Variants in ZNF609 observed in about 807,000 individuals in gnomAD.
ZNF609 encodes zinc finger protein 609.
ZNF609 carries 11 observed loss-of-function variants against 109.5 expected under a neutral mutation model. That is an observed-to-expected ratio of 0.10 (90% CI 0.06 to 0.17). ZNF609 has a LOEUF of 0.17. Ranked by LOEUF, ZNF609 falls within the 10% of genes least tolerant of loss-of-function variation. The probability of loss-of-function intolerance (pLI) is 1.00; values close to 1 mark genes in which losing one functional copy is unlikely to be tolerated. For missense variants in ZNF609, 1,559 were observed against 1,772.4 expected, an observed-to-expected ratio of 0.88 and a Z score of 2.16; for synonymous variants, 646 against 662.0, an observed-to-expected ratio of 0.98 and a Z score of 0.37.
chr15:64,614,400 TTTTA>T (rs1895766850), intron 2 of ZNF609, among the ~76,000 whole-genome samples: 1 of 151,988 alleles, frequency 6.6e-6, no homozygotes, highest in Admixed American at 6.6e-5. Context: ...CGGCTATTTT[TTTTA>T]TTTTTATTTT....
chr15:64,555,654 C>T (rs1335290637), intron 2 of ZNF609, among the ~76,000 whole-genome samples: 1 of 151,286 alleles, frequency 6.6e-6, no homozygotes, highest in East Asian at 1.9e-4. Flanking sequence ...GAGGCCAAGG[C>T]GGGCAGATCA....
chr15:64,601,561 A>G (rs1895497915), intron 2 of ZNF609, among the ~76,000 whole-genome samples: 1 of 152,232 alleles, frequency 6.6e-6, no homozygotes. Context: ...TAAGCAGAGG[A>G]CTACTAAATA....
chr15:64,478,406 T>C (rs1893202681), intron 1 of ZNF609, among the ~76,000 whole-genome samples: 1 of 152,052 alleles, frequency 6.6e-6, no homozygotes. Flanking sequence ...AGTCTCACTC[T>C]GTTGCCCAGG....
chr15:64,658,752 A>C (rs1246008152), intron 3 of ZNF609, among the ~76,000 whole-genome samples: 1 of 151,766 alleles, frequency 6.6e-6, no homozygotes, highest in Non-Finnish European at 1.5e-5. Flanking sequence ...AGCCGTAATC[A>C]TACCACTACA....
chr15:64,529,787 A>G (rs569443769), intron 2 of ZNF609: 390 of 487,124 alleles, frequency 8.0e-4, no homozygotes, highest in Non-Finnish European at 1.3e-3. Context: ...CTGGAGTGCA[A>G]TGGTGCAACC....
intron 3 of ZNF609, among the ~76,000 whole-genome samples, chr15:64,668,195 A>G (rs1896678132): frequency 6.6e-6 from 1 of 152,208 alleles, no homozygotes; most frequent in South Asian, 2.1e-4. Context: ...ATAGAAATCT[A>G]ATGTTAAGAA....
At chr15:64,665,747 A>G (rs1896636767) in intron 3 of ZNF609, among the ~76,000 whole-genome samples, 1 of 152,064 alleles carries the variant, frequency 6.6e-6, no homozygotes, top group Non-Finnish European at 1.5e-5. Context: ...TATCTACTAA[A>G]AATATAAAAT....
intron 2 of ZNF609, among the ~76,000 whole-genome samples, chr15:64,595,868 AT>A (rs1402450951): frequency 2.0e-5 from 3 of 152,188 alleles, no homozygotes; most frequent in African/African-American, 2.4e-5. Flanking sequence ...AGTAAGTGTC[AT>A]TTGGAATGAC....
rs1896835845 is a variant in ZNF609, at chr15:64,678,338, A to G, written c.3625A>G (p.Ser1209Gly). ...SRLGSKEPRP[S>G]VHVPVSSPLT... ...CCTTGGGAGCAAGGAGCCCCGGCCAAGTGTCCATGTGCCTGTGTCCTCCCC... is the reference window on the plus strand; with the variant it reads ...CCTTGGGAGCAAGGAGCCCCGGCCAGGTGTCCATGTGCCTGTGTCCTCCCC... The change falls in exon 6 of 10, where the codon AGT becomes GGT. Residue 1209 changes from serine to glycine, a missense_variant. Around this residue, in one of 4 missense-constraint regions of ZNF609, gnomAD observed 1,204 missense variants for 1,314.1 expected, o/e 0.92. Transcript: ENST00000326648. 6.2e-7 allele frequency: 1 copy of G among 1,613,994 alleles called. No individual in the cohort carries two copies. The highest frequency in any genetic ancestry group is 1.3e-5 in the African/African-American group (1 of 74,910).
chr15:64,589,405 G>C (rs1895256660), intron 2 of ZNF609, among the ~76,000 whole-genome samples: 1 of 152,118 alleles, frequency 6.6e-6, no homozygotes, highest in Admixed American at 6.6e-5. Flanking sequence ...CATTTTATCA[G>C]ACTATGTTCC....
chr15:64,670,605 G>A (rs1489095488), intron 4 of ZNF609, among the ~76,000 whole-genome samples, 172 bp downstream of exon 4: 2 of 152,250 alleles, frequency 1.3e-5, no homozygotes, highest in African/African-American at 4.8e-5. Flanking sequence ...ATGGCCAGGC[G>A]CGGTGGCTCA....
intron 2 of ZNF609, among the ~76,000 whole-genome samples, chr15:64,524,271 A>C (rs1180702827): frequency 6.6e-6 from 1 of 152,178 alleles, no homozygotes; most frequent in Non-Finnish European, 1.5e-5. Context: ...GAATCATACA[A>C]TCTGTGGCCT....
chr15:64,624,309 A>T (rs763213703), intron 3 of ZNF609, among the ~76,000 whole-genome samples: 1 of 152,216 alleles, frequency 6.6e-6, no homozygotes, highest in Non-Finnish European at 1.5e-5. Context: ...ACAATATACA[A>T]TCTGAAAATC....
chr15:64,645,036 C>T (rs938404464), intron 3 of ZNF609, among the ~76,000 whole-genome samples: 83 of 140,038 alleles, frequency 5.9e-4, no homozygotes, highest in African/African-American at 2.2e-3. Context: ...TTCCTTTCTT[C>T]CTTCCTTTCT....
Position 64,545,881 on chromosome 15 carries a change from A to G in ZNF609, c.747+45715A>G, listed in dbSNP as rs1010423855. On this transcript the variant is annotated intron_variant, in intron 2 of 9. Coordinates refer to ENST00000326648, the MANE Select transcript of ZNF609 (RefSeq NM_015042.2). ...ATTGCTGAGTACTATTTCATTGTAT[A>G]GATATACCACATTTGCTTACCTGCT... is the stretch of plus-strand genomic sequence containing the variant. Among the ~76,000 whole-genome samples the G allele has an allele frequency of 3.2e-4, 49 of 152,304 alleles. 1 individual carries two copies. The highest frequency in any genetic ancestry group is 1.0e-3 in the African/African-American group (43 of 41,566).
At chr15:64,573,630 T>A (rs1309662175) in intron 2 of ZNF609, among the ~76,000 whole-genome samples, 3 of 152,076 alleles carry the variant, frequency 2.0e-5, no homozygotes, top group Non-Finnish European at 4.4e-5. Flanking sequence ...CCCAAAATGC[T>A]GGGATTACAG....
chr15:64,487,293 T>C (rs1377283774), intron 1 of ZNF609, among the ~76,000 whole-genome samples: 1 of 152,240 alleles, frequency 6.6e-6, no homozygotes, highest in Non-Finnish European at 1.5e-5. Context: ...ATTAATGGCA[T>C]GATTCCCTTT....
intron 1 of ZNF609, among the ~76,000 whole-genome samples, chr15:64,485,216 A>C (rs1566995439): frequency 6.6e-6 from 1 of 152,300 alleles, no homozygotes; most frequent in Non-Finnish European, 1.5e-5. Context: ...GCTTTAATGA[A>C]TACATGCAAA....
rs1158905405 is a variant in ZNF609 at position 64,460,852 on chromosome 15, T to C, written c.-128+14T>C. 1 of 144,792 alleles carries C rather than the reference T, an allele frequency of 6.9e-6. No individual in the cohort carries two copies. The highest frequency in any genetic ancestry group is 1.5e-5 in the Non-Finnish European group (1 of 66,090). The allele number at this position is 144,792 out of a possible 1,614,324, so 9.0% of individuals were successfully genotyped here. ...ACCGGCCGCGCGGTGAGTCCGGAGCTTTGTGTGGAGCCGGGACTGGGGGAG... is the reference window on the plus strand; with the variant it reads ...ACCGGCCGCGCGGTGAGTCCGGAGCCTTGTGTGGAGCCGGGACTGGGGGAG... On this transcript the variant is annotated intron_variant, in intron 1 of 9. Coordinates refer to ENST00000326648, the MANE Select transcript of ZNF609 (RefSeq NM_015042.2).
Sources: gnomAD v4.1 joint callset for allele counts (sites outside exome capture counted in the v4.1 genomes callset) on GRCh38, gnomAD v4.1.1 for gene constraint, gnomAD v4.1.1 regional missense constraint, MANE v1.5 for transcripts, NCBI Gene and HGNC (gene_info 2026-07-23, HGNC 2026-07-21) for gene names.